Variants in KCNAB1 observed in about 807,000 individuals in gnomAD.
KCNAB1 encodes voltage-gated potassium channel subunit beta-1.
Under a neutral mutation model 64.6 loss-of-function variants are expected in KCNAB1, and 35 were observed. The observed-to-expected ratio is 0.54, with a 90% CI of 0.41 to 0.72. The LOEUF is 0.72. KCNAB1 is among the 30% of genes least tolerant of loss of function. The pLI, the probability that KCNAB1 is intolerant of heterozygous loss-of-function variation, is 0.00. For synonymous variants in KCNAB1, 177 were observed against 183.8 expected (o/e 0.96, Z 0.30); for missense variants, 401 against 512.9 (o/e 0.78, Z 2.11).
chr3:156,398,722 G>GTT lies in KCNAB1; in HGVS notation c.276-22893_276-22892dup, dbSNP rs1206379756. ...CAGCACATGTATCCCAGAACTTAAAGTTATATATATATATATATTTACTAA... is the reference window on the plus strand; with the variant it reads ...CAGCACATGTATCCCAGAACTTAAAGTTTTATATATATATATATATTTACTAA... On this transcript the variant is annotated intron_variant, in intron 1 of 13. Coordinates refer to ENST00000490337, the MANE Select transcript of KCNAB1 (RefSeq NM_172160.3). 1.0e-4 allele frequency among the ~76,000 whole-genome samples: 15 copies of GTT among 150,394 alleles called. 1 individual carries two copies. Among genetic ancestry groups the GTT allele is most frequent in the African/African-American group, 2.5e-4 (10 of 40,792 alleles).
At chr3:156,363,748 T>C (rs1725767233) in intron 1 of KCNAB1, among the ~76,000 whole-genome samples, 1 of 152,204 alleles carries the variant, frequency 6.6e-6, no homozygotes, top group African/African-American at 2.4e-5. Flanking sequence ...AGTGCCGGGA[T>C]TACAGGCATG....
rs56259743 is a variant in KCNAB1 at position 156,439,224 on chromosome 3, ATTTTTT to A, written c.320-13656_320-13651del. Among the ~76,000 whole-genome samples, 859 of 115,088 alleles carry A rather than the reference ATTTTTT, an allele frequency of 7.5e-3. 4 individuals are homozygous for A. Among genetic ancestry groups the A allele is most frequent in the East Asian group, 0.025 (100 of 3,930 alleles). 75.5% of individuals were successfully genotyped at this position (115,088 alleles called of 152,430 possible). A position where few individuals can be genotyped will look rare whatever the true frequency, so the allele number is the denominator to read the frequency against. Reference sequence around the variant, plus strand: ...AAAAGTGTTAATTTGCATCATTGTGATTTTTTTTTTTTTTTTTTTTTTTTGGTTCTC... The same window carrying A: ...AAAAGTGTTAATTTGCATCATTGTGATTTTTTTTTTTTTTTTTTGGTTCTC... On this transcript the variant is annotated intron_variant, in intron 2 of 13. Coordinates refer to ENST00000490337, the MANE Select transcript of KCNAB1 (RefSeq NM_172160.3).
chr3:156,487,912 A>C (rs1425769100), intron 8 of KCNAB1, among the ~76,000 whole-genome samples: 2 of 152,114 alleles, frequency 1.3e-5, no homozygotes, highest in African/African-American at 4.8e-5. Context: ...AAAAATAAAA[A>C]ATGGGTAAGA....
At chr3:156,491,813 C>A (rs1715651273) in intron 8 of KCNAB1, among the ~76,000 whole-genome samples, 1 of 151,944 alleles carries the variant, frequency 6.6e-6, no homozygotes, top group Non-Finnish European at 1.5e-5. Context: ...CGCTAGCTAT[C>A]TAATATTATT....
intron 1 of KCNAB1, among the ~76,000 whole-genome samples, chr3:156,356,604 C>A (rs1482765626): frequency 2.0e-5 from 3 of 152,056 alleles, no homozygotes; most frequent in African/African-American, 2.4e-5. Context: ...AGAAATTAAG[C>A]AACTTTTGAA....
chr3:156,260,140 T>A (rs915009799), intron 1 of KCNAB1, among the ~76,000 whole-genome samples: 7 of 152,194 alleles, frequency 4.6e-5, no homozygotes, highest in African/African-American at 1.4e-4. Context: ...CTACAGCAGC[T>A]TGTAATGAAG....
At chr3:156,332,953 T>C (rs1040233175) in intron 1 of KCNAB1, among the ~76,000 whole-genome samples, 6 of 152,182 alleles carry the variant, frequency 3.9e-5, no homozygotes, top group African/African-American at 1.4e-4. Context: ...ATGTATCTTT[T>C]CCTTGATTTC....
chr3:156,513,910 C>A (rs1420641860), intron 8 of KCNAB1, among the ~76,000 whole-genome samples: 1 of 152,188 alleles, frequency 6.6e-6, no homozygotes, highest in Non-Finnish European at 1.5e-5. Flanking sequence ...TGTGTGAGGT[C>A]CAGCTCTGCA....
At chr3:156,503,709 C>T (rs1199265838) in intron 8 of KCNAB1, among the ~76,000 whole-genome samples, 1 of 151,892 alleles carries the variant, frequency 6.6e-6, no homozygotes, top group Non-Finnish European at 1.5e-5. Context: ...GGCAATGCCA[C>T]AAAGCTCAAA....
chr3:156,416,811 T>A (rs1463416841), intron 1 of KCNAB1, among the ~76,000 whole-genome samples: 1 of 152,226 alleles, frequency 6.6e-6, no homozygotes, highest in Non-Finnish European at 1.5e-5. Context: ...TCTAGAAAGA[T>A]ACGGATCATC....
chr3:156,260,482 T>C (rs987381934), intron 1 of KCNAB1, among the ~76,000 whole-genome samples: 12 of 152,204 alleles, frequency 7.9e-5, no homozygotes, highest in African/African-American at 2.7e-4. Context: ...TCTATAAATG[T>C]GCTATTTCTA....
chr3:156,317,751 C>T (rs1722375365), intron 1 of KCNAB1, among the ~76,000 whole-genome samples: 1 of 152,176 alleles, frequency 6.6e-6, no homozygotes, highest in Non-Finnish European at 1.5e-5. Context: ...TCCCAGCCCT[C>T]ACACTTTTCA....
intron 1 of KCNAB1, among the ~76,000 whole-genome samples, chr3:156,224,807 A>G (rs1716045340): frequency 6.6e-6 from 1 of 152,220 alleles, no homozygotes; most frequent in Non-Finnish European, 1.5e-5. Context: ...TTACATGCAT[A>G]AACTAGAAAA....
intron 1 of KCNAB1, among the ~76,000 whole-genome samples, chr3:156,256,452 C>T (rs1459441830): frequency 6.6e-6 from 1 of 152,234 alleles, no homozygotes; most frequent in African/African-American, 2.4e-5. Flanking sequence ...CCCTCCCTCC[C>T]CAGGGTCACT....
At chr3:156,411,815 A>G (rs1276377784) in intron 1 of KCNAB1, among the ~76,000 whole-genome samples, 1 of 152,184 alleles carries the variant, frequency 6.6e-6, no homozygotes, top group African/African-American at 2.4e-5. Flanking sequence ...ATCAGATAGT[A>G]TGAGTCCTCC....
intron 7 of KCNAB1, among the ~76,000 whole-genome samples, chr3:156,471,285 T>G (rs1713868131): frequency 6.6e-6 from 1 of 152,208 alleles, no homozygotes. Context: ...ACACTTAAAT[T>G]GAATTAAGGT....
intron 1 of KCNAB1, chr3:156,382,331 A>G (rs1425081651): frequency 6.6e-6 from 1 of 152,002 alleles, no homozygotes; most frequent in Non-Finnish European, 1.5e-5. Context: ...AAAAATACAA[A>G]ATTAGCTGGG....
intron 1 of KCNAB1, among the ~76,000 whole-genome samples, chr3:156,136,604 G>A (rs1714360426): frequency 6.6e-6 from 1 of 152,206 alleles, no homozygotes; most frequent in South Asian, 2.1e-4. Flanking sequence ...AGAGCCTAGA[G>A]CCTAAATAAT....
chr3:156,466,339 A>C (rs540907767), intron 7 of KCNAB1, among the ~76,000 whole-genome samples: 2 of 152,248 alleles, frequency 1.3e-5, no homozygotes, highest in East Asian at 1.9e-4. Flanking sequence ...ATAGTCCACT[A>C]TATGGATAGC....
Sources: gnomAD v4.1 joint callset for allele counts (sites outside exome capture counted in the v4.1 genomes callset) on GRCh38, gnomAD v4.1.1 for gene constraint, MANE v1.5 for transcripts, NCBI Gene and HGNC (gene_info 2026-07-23, HGNC 2026-07-21) for gene names.